The following ALDH1A3 variants were observed in gnomAD, a reference collection of about 807,000 sequenced individuals.
The protein encoded by ALDH1A3 is aldehyde dehydrogenase 1 family member A3.
ALDH1A3 carries 28 observed loss-of-function variants against 57.5 expected under a neutral mutation model. The observed-to-expected ratio is 0.49, with a 90% confidence interval of 0.36 to 0.67. ALDH1A3 has a LOEUF of 0.67. ALDH1A3 is among the 30% of genes least tolerant of loss of function. The pLI, the probability that ALDH1A3 is intolerant of heterozygous loss-of-function variation, is 0.00. For missense variants in ALDH1A3, 507 were observed against 669.4 expected, an observed-to-expected ratio of 0.76 and a Z score of 2.68; for synonymous variants, 281 against 264.8, an observed-to-expected ratio of 1.06 and a Z score of -0.59.
chr15:100,895,760 C>G lies in ALDH1A3; in HGVS notation c.667-173C>G, dbSNP rs571077848. On this transcript the variant is annotated intron_variant, in intron 6 of 12. Transcript: ENST00000329841. ...GGGCTGGCAGCAGGGGATGAGAAGC[C>G]CAGGTCAGCTCCCAGGGTGCCCACG... 155 of 616,112 alleles carry G rather than the reference C, an allele frequency of 2.5e-4. 2 individuals carry two copies. In the South Asian group the frequency reaches 2.9e-3, roughly 12 times the overall value. 38.2% of individuals were successfully genotyped at this position (616,112 alleles called of 1,614,324 possible).
chr15:100,905,296 C>T (rs1245964282), intron 9 of ALDH1A3, among the ~76,000 whole-genome samples: 2 of 152,230 alleles, frequency 1.3e-5, no homozygotes, highest in Non-Finnish European at 2.9e-5. Flanking sequence ...CCCAAACCTC[C>T]AGAGGATGAG....
chr15:100,897,860 G>A (rs968796335), intron 7 of ALDH1A3, among the ~76,000 whole-genome samples: 2 of 152,236 alleles, frequency 1.3e-5, no homozygotes, highest in African/African-American at 2.4e-5. Flanking sequence ...TGTAAGTGGA[G>A]CGGCTTAGAC....
Position 100,908,577 on chromosome 15 carries a change from C to CA in ALDH1A3, c.1466+95_1466+96insA. On this transcript the variant is annotated intron_variant, in intron 12 of 12. Transcript: ENST00000329841. ...CACAGGCTCCAATCTGCTGACACCC[C>CA]GTCCCCCCCACACCGCCGCTCTGTC... 6.0e-6 allele frequency: 7 copies of CA among 1,167,586 alleles called. No individual in the cohort carries two copies. In the South Asian group the frequency reaches 9.0e-5, roughly 15 times the overall value. The allele number at this position is 1,167,586 out of a possible 1,614,324, so 72.3% of individuals were successfully genotyped here.
chr15:100,883,883 T>A (rs2041569784), intron 1 of ALDH1A3, among the ~76,000 whole-genome samples: 2 of 152,012 alleles, frequency 1.3e-5, no homozygotes, highest in South Asian at 4.2e-4. Flanking sequence ...CACTGGGGAG[T>A]CAAATGTTTC....
In ALDH1A3 at chr15:100,907,204, C is replaced by T. The variant is rs2041830732; in HGVS notation, c.1317C>T (p.Leu439=). 1 of 1,614,084 alleles carries T rather than the reference C, an allele frequency of 6.2e-7. No homozygotes were observed. Among genetic ancestry groups the T allele is most frequent in the Non-Finnish European group, 8.5e-7 (1 of 1,180,038 alleles). The part of the protein sequence containing the change: ...IKRANSTDYG[L]TAAVFTKNLD... Reference sequence around the variant, plus strand: ...GAGCGAATAGCACCGACTATGGACTCACAGCAGCCGTGTTCACAAAAAATC... The same window carrying T: ...GAGCGAATAGCACCGACTATGGACTTACAGCAGCCGTGTTCACAAAAAATC... Residue 439 remains leucine, a synonymous_variant, in exon 11 of 13, where the codon CTC becomes CTT. Transcript: ENST00000329841.
chr15:100,891,181 TG>T (rs1460463268), intron 3 of ALDH1A3, among the ~76,000 whole-genome samples: 2 of 152,228 alleles, frequency 1.3e-5, no homozygotes. Context: ...TGCTGCTCTG[TG>T]GACACTGACT....
intron 9 of ALDH1A3, among the ~76,000 whole-genome samples, chr15:100,902,850 A>G (rs551580724): frequency 4.6e-5 from 7 of 152,352 alleles, no homozygotes; most frequent in Admixed American, 4.6e-4. Context: ...GGGACCCAGC[A>G]CTGCCTGCAG....
chr15:100,879,941 C>T lies in ALDH1A3; in HGVS notation c.34C>T (p.Gln12Ter). 1.4e-6 allele frequency: 2 copies of T among 1,470,154 alleles called. No homozygotes were observed. Among genetic ancestry groups the T allele is most frequent in the Non-Finnish European group, 1.8e-6 (2 of 1,109,400 alleles). 91.1% of individuals were successfully genotyped at this position (1,470,154 alleles called of 1,614,324 possible). Residue 12 changes from glutamine (Q) to a stop codon, truncating the protein, a stop_gained, in exon 1 of 13, where the codon CAG (glutamine) becomes TAG (stop). Transcript: ENST00000329841. LOFTEE classifies it high-confidence loss of function. ...CGCTAACGGGGCCGTGGAAAACGGGCAGCCGGACAGGAAGCCGCCGGCCCT... is the reference window on the plus strand; with the variant it reads ...CGCTAACGGGGCCGTGGAAAACGGGTAGCCGGACAGGAAGCCGCCGGCCCT... ...ATANGAVENGQPDRKPPALPR... is the reference protein window; with the variant it reads ...ATANGAVENG
chr15:100,893,044 A>C lies in ALDH1A3; in HGVS notation c.537+38A>C. On this transcript the variant is annotated intron_variant, in intron 5 of 12. Coordinates refer to ENST00000329841, the MANE Select transcript of ALDH1A3 (RefSeq NM_000693.4). The surrounding 1 kb of genome is among the most constrained non-coding windows in gnomAD (Gnocchi z 4.8). ...GCCTTTCTCAGTAGATTCTATGTAG[A>C]TCCTGCCCCACTGCCCTGTGTCCTT... The C allele has an allele frequency of 6.3e-7, 1 of 1,576,310 alleles. No individual in the cohort carries two copies. Among genetic ancestry groups the C allele is most frequent in the Non-Finnish European group, 8.7e-7 (1 of 1,149,474 alleles).
In ALDH1A3 at chr15:100,889,093, A is replaced by G. The variant is rs2041624129; in HGVS notation, c.345+1381A>G. 1 of 152,228 alleles carries G rather than the reference A, an allele frequency of 6.6e-6. No individual in the cohort carries two copies. The highest frequency in any genetic ancestry group is 6.5e-5 in the Admixed American group (1 of 15,280). The allele number at this position is 152,228 out of a possible 1,614,324, so 9.4% of individuals were successfully genotyped here. ...CATCTCAGGGCCACGTTGGGCCATG[A>G]GGTCCTTTGCATCCTGTCCTTGCCC... On this transcript the variant is annotated intron_variant, in intron 3 of 12. Coordinates refer to ENST00000329841, the MANE Select transcript of ALDH1A3 (RefSeq NM_000693.4). The surrounding 1 kb of genome is among the most constrained non-coding windows in gnomAD (Gnocchi z 5.1).
intron 12 of ALDH1A3, 60 bp downstream of exon 12, chr15:100,908,542 C>A (rs2041849344): frequency 1.4e-6 from 2 of 1,450,100 alleles, no homozygotes; most frequent in Non-Finnish European, 1.9e-6. Context: ...ACTAGATTTG[C>A]AGGCAGTGAC....
chr15:100,900,849 G>T, intron 9 of ALDH1A3, 90 bp downstream of exon 9: 2 of 1,422,986 alleles, frequency 1.4e-6, no homozygotes, highest in Non-Finnish European at 1.9e-6. Flanking sequence ...GTCCCTCTCC[G>T]TGAAAGGAAT....
intron 8 of ALDH1A3, 84 bp from the exon 9 acceptor site, chr15:100,900,491 G>A (rs1174440067): frequency 1.6e-6 from 2 of 1,272,926 alleles, no homozygotes; most frequent in Non-Finnish European, 2.2e-6. Flanking sequence ...TGGGCAATTA[G>A]AATTGCAGCT....
rs1437724573 is a variant in ALDH1A3, at chr15:100,880,131, C to A, written c.99+125C>A. ...CCGGGCGCCGCCGAGACCCGAGCCT[C>A]CCTGCCCGGGCGCGGCTCTCCAGAA... On this transcript the variant is annotated intron_variant, in intron 1 of 12. Coordinates refer to ENST00000329841, the MANE Select transcript of ALDH1A3 (RefSeq NM_000693.4). 14 of 591,908 alleles carry A rather than the reference C, an allele frequency of 2.4e-5. No individual in the cohort carries two copies. The East Asian group carries it at 5.0e-4, about 21-fold the overall frequency. 36.7% of individuals were successfully genotyped at this position (591,908 alleles called of 1,614,324 possible).
intron 2 of ALDH1A3, among the ~76,000 whole-genome samples, chr15:100,885,629 T>C (rs772727759): frequency 4.0e-5 from 6 of 151,652 alleles, no homozygotes; most frequent in African/African-American, 9.7e-5. Context: ...CCTCATCATA[T>C]GGCTAAAGGA....
At position 100,892,935 on chromosome 15, in the gene ALDH1A3, C is replaced by T; in HGVS notation, c.476-10C>T. 1.2e-6 allele frequency: 2 copies of T among 1,613,782 alleles called. No homozygotes were observed. The highest frequency in any genetic ancestry group is 1.7e-6 in the Non-Finnish European group (2 of 1,179,800). On this transcript the variant is annotated splice_polypyrimidine_tract_variant and intron_variant, in intron 4 of 12. Transcript: ENST00000329841. Reference sequence around the variant, plus strand: ...AGTGTGTCCTTCCCCACCATGTAACCCTCTTCCAGATGACAACGTCGTGTG... The same window carrying T: ...AGTGTGTCCTTCCCCACCATGTAACTCTCTTCCAGATGACAACGTCGTGTG...
rs201036155 is a variant in ALDH1A3, at chr15:100,909,422, C to CA, written c.1466+940_1466+941insA. The stretch of plus-strand genomic sequence containing the variant: ...TGCAAACCCACTGGAAACCCCTCCA[C>CA]TGTGTGTGCAAACCCACTGCAAACC... On this transcript the variant is annotated intron_variant, in intron 12 of 12. Coordinates refer to ENST00000329841, the MANE Select transcript of ALDH1A3 (RefSeq NM_000693.4). Among the ~76,000 whole-genome samples the CA allele has an allele frequency of 2.0e-3, 292 of 147,398 alleles. 1 individual carries two copies. The highest frequency in any genetic ancestry group is 6.9e-3 in the African/African-American group (273 of 39,622).
chr15:100,883,201 G>A lies in ALDH1A3; in HGVS notation c.100-2066G>A, dbSNP rs535069657. On this transcript the variant is annotated intron_variant, in intron 1 of 12. Transcript: ENST00000329841. ...TGATACCAGGAAGGACCTAGAATCA[G>A]CAATTTTCACTGACAGTCTCTATTA... Among the ~76,000 whole-genome samples the A allele has an allele frequency of 3.9e-5, 6 of 152,238 alleles. No individual in the cohort carries two copies. In the South Asian group the frequency reaches 1.2e-3, roughly 32 times the overall value.
At chr15:100,899,613 C>G (rs1285339320) in intron 8 of ALDH1A3, among the ~76,000 whole-genome samples, 2 of 152,064 alleles carry the variant, frequency 1.3e-5, no homozygotes, top group African/African-American at 4.8e-5. Context: ...CTAGCTCCGT[C>G]AGGAGCAGGA....
Sources: allele counts gnomAD v4.1 joint callset (sites outside exome capture counted in the v4.1 genomes callset), GRCh38; gene constraint gnomAD v4.1.1; non-coding constraint Gnocchi (gnomAD v3.1); transcripts MANE v1.5; gene names NCBI Gene and HGNC (gene_info 2026-07-23, HGNC 2026-07-21).